The following CRADD variants were observed in gnomAD, a reference collection of about 807,000 sequenced individuals.
CRADD encodes the protein death domain-containing protein CRADD.
CRADD carries 9 observed loss-of-function variants against 15.5 expected under a neutral mutation model. The observed-to-expected ratio is 0.58, with a 90% confidence interval of 0.35 to 1.01. The LOEUF is 1.01. Among genes scored for constraint, CRADD ranks in the 50% least tolerant of loss-of-function variants. CRADD has a pLI of 0.02. For synonymous variants in CRADD, 118 were observed against 107.6 expected (o/e 1.10, Z -0.60); for missense variants, 227 against 250.3 (o/e 0.91, Z 0.63).
intron 2 of CRADD, among the ~76,000 whole-genome samples, chr12:93,725,827 G>A (rs561021295): frequency 9.2e-5 from 14 of 152,246 alleles, no homozygotes; most frequent in Admixed American, 3.3e-4. Flanking sequence ...CATTGTTGGG[G>A]TTTATATATA....
chr12:93,870,695 C>A (rs1958411125), intron 2 of CRADD, among the ~76,000 whole-genome samples: 2 of 152,170 alleles, frequency 1.3e-5, no homozygotes, highest in African/African-American at 4.8e-5. Flanking sequence ...GCCAAGAAGA[C>A]CAGGGACTGC....
At chr12:93,806,180 G>T (rs569840025) in intron 2 of CRADD, among the ~76,000 whole-genome samples, 2 of 152,006 alleles carry the variant, frequency 1.3e-5, no homozygotes, top group African/African-American at 2.4e-5. Flanking sequence ...GTGGCCGGGC[G>T]CAGTGGCTCA....
At chr12:93,752,177 AG>A (rs1164733422) in intron 2 of CRADD, among the ~76,000 whole-genome samples, 9 of 152,176 alleles carry the variant, frequency 5.9e-5, no homozygotes, top group African/African-American at 2.2e-4. Context: ...TCCCCAGTGG[AG>A]GGTAAAGCAT....
chr12:93,718,850 C>T (rs1321725266), intron 2 of CRADD, among the ~76,000 whole-genome samples: 3 of 151,888 alleles, frequency 2.0e-5, no homozygotes, highest in African/African-American at 7.3e-5. Flanking sequence ...GCCTTGATCT[C>T]ATGGGCTGAA....
intron 2 of CRADD, among the ~76,000 whole-genome samples, chr12:93,859,159 T>G (rs1439008700): frequency 6.6e-6 from 1 of 152,148 alleles, no homozygotes; most frequent in Admixed American, 6.5e-5. Context: ...TGCAGATGAG[T>G]GTTTAACACA....
At chr12:93,722,208 T>C (rs951057986) in intron 2 of CRADD, among the ~76,000 whole-genome samples, 1 of 152,244 alleles carries the variant, frequency 6.6e-6, no homozygotes, top group African/African-American at 2.4e-5. Context: ...AAGGCAGATA[T>C]AATTTTTATC....
intron 2 of CRADD, among the ~76,000 whole-genome samples, chr12:93,827,870 C>A (rs1957841780): frequency 6.6e-6 from 1 of 152,158 alleles, no homozygotes; most frequent in Non-Finnish European, 1.5e-5. Flanking sequence ...TGTTGAACAG[C>A]AACTCCTCAT....
intron 2 of CRADD, among the ~76,000 whole-genome samples, chr12:93,681,975 G>A (rs917666667): frequency 6.6e-6 from 1 of 152,128 alleles, no homozygotes; most frequent in African/African-American, 2.4e-5. Flanking sequence ...ATTTAAACTT[G>A]ATAGTTAACA....
At chr12:93,764,774 G>T (rs1170456828) in intron 2 of CRADD, among the ~76,000 whole-genome samples, 1 of 151,048 alleles carries the variant, frequency 6.6e-6, no homozygotes, top group Non-Finnish European at 1.5e-5. Context: ...TACTTTCATA[G>T]AAATATATAA....
intron 2 of CRADD, among the ~76,000 whole-genome samples, chr12:93,722,928 T>C (rs1956290789): frequency 6.6e-6 from 1 of 152,184 alleles, no homozygotes; most frequent in Admixed American, 6.5e-5. Flanking sequence ...CACTCTTAAG[T>C]AGGCCTTTAG....
At chr12:93,865,619 G>T (rs958596134) in intron 2 of CRADD, among the ~76,000 whole-genome samples, 1 of 152,106 alleles carries the variant, frequency 6.6e-6, no homozygotes, top group Admixed American at 6.6e-5. Flanking sequence ...TGACTATGTT[G>T]CCCAGGCTAG....
At chr12:93,702,051 A>G (rs187133898) in intron 2 of CRADD, among the ~76,000 whole-genome samples, 2 of 151,914 alleles carry the variant, frequency 1.3e-5, no homozygotes, top group Non-Finnish European at 2.9e-5. Context: ...ACGCTTCCCT[A>G]GCTCCCTCTC....
intron 2 of CRADD, among the ~76,000 whole-genome samples, chr12:93,870,938 T>C (rs1958413748): frequency 6.6e-6 from 1 of 151,884 alleles, no homozygotes; most frequent in South Asian, 2.1e-4. Flanking sequence ...TTAAAAGGAG[T>C]CTGGTAACTG....
At chr12:93,853,935 G>T (rs1026776059), downstream of CRADD, among the ~76,000 whole-genome samples, 8 of 152,162 alleles carry the variant, frequency 5.3e-5, no homozygotes, top group Non-Finnish European at 1.2e-4. Context: ...CCTTTTCATT[G>T]TTATAAACAG....
intron 2 of CRADD, among the ~76,000 whole-genome samples, chr12:93,878,944 G>T (rs1486332158): frequency 6.6e-6 from 1 of 152,134 alleles, no homozygotes; most frequent in Non-Finnish European, 1.5e-5. Context: ...TGTCCTTGCT[G>T]GGGGGAAGAT....
At chr12:93,875,317 G>A (rs1958450647) in intron 2 of CRADD, among the ~76,000 whole-genome samples, 1 of 151,746 alleles carries the variant, frequency 6.6e-6, no homozygotes, top group Admixed American at 6.6e-5. Context: ...TTTCTTGTAG[G>A]CAACATATTA....
At chr12:93,687,796 A>C (rs575402432) in intron 2 of CRADD, among the ~76,000 whole-genome samples, 5 of 152,334 alleles carry the variant, frequency 3.3e-5, no homozygotes, top group Admixed American at 1.3e-4. Context: ...GTTGCTCAAG[A>C]ATGTTCCAGA....
chr12:93,853,735 G>A (rs1182756082), downstream of CRADD, among the ~76,000 whole-genome samples: 2 of 152,226 alleles, frequency 1.3e-5, no homozygotes, highest in Non-Finnish European at 2.9e-5. Flanking sequence ...TTCCACAAGA[G>A]TACGTGTTCT....
chr12:93,847,538 T>A (rs1460921767), intron 2 of CRADD, among the ~76,000 whole-genome samples: 2 of 92,802 alleles, frequency 2.2e-5, no homozygotes, highest in African/African-American at 4.2e-5. Flanking sequence ...TGTGATGAAA[T>A]TGACCCAAAT....
Sources: allele counts gnomAD v4.1 joint callset (sites outside exome capture counted in the v4.1 genomes callset), GRCh38; gene constraint gnomAD v4.1.1; transcripts MANE v1.5; gene names NCBI Gene and HGNC (gene_info 2026-07-23, HGNC 2026-07-21).